DCAF17: variants seen among roughly 807,000 people sequenced by gnomAD.
DCAF17 encodes the protein DDB1 and CUL4 associated factor 17, also known as DDB1- and CUL4-associated factor 17.
In DCAF17, 48 loss-of-function variants were observed where a neutral mutation model predicts 66.0. That is an observed-to-expected ratio of 0.73 (90% CI 0.58 to 0.92). The LOEUF (loss-of-function observed/expected upper bound fraction) is 0.92, where lower values mean the gene tolerates loss of function less well. Ranked by LOEUF, DCAF17 falls within the 40% of genes least tolerant of loss-of-function variation. The pLI is 0.00. For missense variants in DCAF17, 562 were observed against 622.8 expected (o/e 0.90, Z 1.04); for synonymous variants, 206 against 214.6 (o/e 0.96, Z 0.35).
rs766946153 is a variant in DCAF17 at position 171,482,519 on chromosome 2, A to T, written c.*1405A>T. The stretch of plus-strand genomic sequence containing the variant: ...AACTTACATCTTGAAAAACAAGACC[A>T]GTAAGAGGCCAGTGAAAGTACTAAA... On this transcript the variant is annotated 3_prime_UTR_variant, in exon 14 of 14. Transcript: ENST00000375255. 1 of 454,124 alleles carries T rather than the reference A, an allele frequency of 2.2e-6. No individual in the cohort carries two copies. The highest frequency in any genetic ancestry group is 1.6e-5 in the South Asian group (1 of 64,476). 28.1% of individuals were successfully genotyped at this position (454,124 alleles called of 1,614,324 possible).
At position 171,483,275 on chromosome 2, in the gene DCAF17, ACT is replaced by A. The variant is rs1385937068; in HGVS notation, c.*2164_*2165del. On this transcript the variant is annotated 3_prime_UTR_variant, in exon 14 of 14. Coordinates refer to ENST00000375255, the MANE Select transcript of DCAF17 (RefSeq NM_025000.4). ...TCTTTACCTGATATTTTAATTCGAGACTCTAGCTACATGCCCACCTACTTAAC... is the reference window on the plus strand; with the variant it reads ...TCTTTACCTGATATTTTAATTCGAGACTAGCTACATGCCCACCTACTTAAC... 1 of 453,902 alleles carries A rather than the reference ACT, an allele frequency of 2.2e-6. No individual in the cohort carries two copies. The highest frequency in any genetic ancestry group is 4.4e-6 in the Non-Finnish European group (1 of 226,784). The allele number at this position is 453,902 out of a possible 1,614,324, so 28.1% of individuals were successfully genotyped here. A position where few individuals can be genotyped will look rare whatever the true frequency, so the allele number is the denominator to read the frequency against.
At position 171,478,060 on chromosome 2, in the gene DCAF17, C is replaced by T; in HGVS notation, c.1256C>T (p.Pro419Leu). The T allele has an allele frequency of 1.9e-6, 3 of 1,613,536 alleles. No individual in the cohort carries two copies. The highest frequency in any genetic ancestry group is 2.5e-6 in the Non-Finnish European group (3 of 1,179,634). Residue 419 changes from proline (P) to leucine (L), a missense_variant, in exon 12 of 14, where the codon CCA (proline) becomes CTA (leucine). Transcript: ENST00000375255. ...KKSFNLLDDD[P>L]EQETFKIVDY... ...AGTTTTAACCTTCTGGATGATGACC[C>T]AGAACAAGAGGTATTGCTTTGGCCA...
At chr2:171,473,999 A>C in intron 10 of DCAF17, 24 bp downstream of exon 10, 1 of 1,586,638 alleles carries the variant, frequency 6.3e-7, no homozygotes, top group Non-Finnish European at 8.7e-7. Flanking sequence ...TTAGCACTTG[A>C]AAGTTAAGAG....
chr2:171,439,670 T>C (rs528058690), intron 2 of DCAF17, among the ~76,000 whole-genome samples: 2 of 152,206 alleles, frequency 1.3e-5, no homozygotes, highest in South Asian at 2.1e-4. Flanking sequence ...GGCTCACACC[T>C]GTAATCTCAC....
chr2:171,451,012 G>A (rs1694920957), intron 5 of DCAF17, among the ~76,000 whole-genome samples: 1 of 151,520 alleles, frequency 6.6e-6, no homozygotes, highest in Non-Finnish European at 1.5e-5. Context: ...ATATGGACTG[G>A]CAGGTGAAGT....
intron 3 of DCAF17, among the ~76,000 whole-genome samples, chr2:171,445,969 C>T (rs1257288307): frequency 1.3e-5 from 2 of 152,138 alleles, no homozygotes; most frequent in Non-Finnish European, 2.9e-5. Context: ...AAGTGTGAGT[C>T]ACCACGCTCA....
At chr2:171,448,963 A>G in intron 4 of DCAF17, 146 bp downstream of exon 4, 1 of 707,816 alleles carries the variant, frequency 1.4e-6, no homozygotes, top group Non-Finnish European at 2.4e-6. Flanking sequence ...TTCTCCCCTC[A>G]TGACTACATT....
At chr2:171,449,570 CT>C (rs1274443749) in intron 4 of DCAF17, among the ~76,000 whole-genome samples, 3 of 152,014 alleles carry the variant, frequency 2.0e-5, no homozygotes, top group Admixed American at 6.6e-5. Flanking sequence ...ATTTTTAGTG[CT>C]TTTTATACTT....
intron 3 of DCAF17, among the ~76,000 whole-genome samples, chr2:171,447,726 T>A (rs192434357): frequency 4.6e-5 from 7 of 152,360 alleles, no homozygotes; most frequent in South Asian, 2.1e-4. Context: ...GATATCGAAC[T>A]CCTGGGCTCA....
intron 8 of DCAF17, among the ~76,000 whole-genome samples, chr2:171,466,454 T>C (rs1315833905): frequency 1.3e-5 from 2 of 152,206 alleles, no homozygotes; most frequent in African/African-American, 4.8e-5. Context: ...CCTACTCTTT[T>C]AATACTTCTC....
Position 171,484,983 on chromosome 2 carries a change from A to G in DCAF17, c.*3869A>G, listed in dbSNP as rs1696891603. ...AGTTTGTTTTTTTATCTTTCTGTTGATGGACACTGGGCTCTTTCTGCTTGT... is the reference window on the plus strand; with the variant it reads ...AGTTTGTTTTTTTATCTTTCTGTTGGTGGACACTGGGCTCTTTCTGCTTGT... On this transcript the variant is annotated 3_prime_UTR_variant, in exon 14 of 14. Coordinates refer to ENST00000375255, the MANE Select transcript of DCAF17 (RefSeq NM_025000.4). 2.2e-6 allele frequency: 1 copy of G among 453,950 alleles called. No individual in the cohort carries two copies. Among genetic ancestry groups the G allele is most frequent in the East Asian group, 6.9e-5 (1 of 14,390 alleles). 28.1% of individuals were successfully genotyped at this position (453,950 alleles called of 1,614,324 possible).
At chr2:171,477,945 A>G in intron 11 of DCAF17, 42 bp from the exon 12 acceptor site, 2 of 1,548,230 alleles carry the variant, frequency 1.3e-6, no homozygotes, top group East Asian at 4.5e-5. Flanking sequence ...GACTGCATGT[A>G]ATAGAACTTG....
At chr2:171,466,258 C>T (rs1358505229) in intron 8 of DCAF17, among the ~76,000 whole-genome samples, 6 of 152,196 alleles carry the variant, frequency 3.9e-5, no homozygotes, top group African/African-American at 9.7e-5. Context: ...TATTGTATTA[C>T]AGGTGTAGCC....
intron 8 of DCAF17, among the ~76,000 whole-genome samples, chr2:171,463,830 A>G (rs572368408): frequency 6.6e-6 from 1 of 152,340 alleles, no homozygotes; most frequent in East Asian, 1.9e-4. Flanking sequence ...GCTTTAACTC[A>G]TCAGCTAGAG....
At chr2:171,451,731 AG>A (rs1249767346) in intron 5 of DCAF17, among the ~76,000 whole-genome samples, 8 of 152,080 alleles carry the variant, frequency 5.3e-5, no homozygotes, top group African/African-American at 1.9e-4. Flanking sequence ...GTGCACCACC[AG>A]GCCCAGCTAA....
intron 8 of DCAF17, among the ~76,000 whole-genome samples, chr2:171,463,682 G>C (rs1049502958): frequency 6.6e-6 from 1 of 152,126 alleles, no homozygotes; most frequent in African/African-American, 2.4e-5. Context: ...CTAATTTTGT[G>C]ATTACAAATA....
At chr2:171,466,906 A>G (rs1351264601) in intron 8 of DCAF17, among the ~76,000 whole-genome samples, 4 of 151,816 alleles carry the variant, frequency 2.6e-5, no homozygotes, top group Non-Finnish European at 5.9e-5. Context: ...ATATCATCAC[A>G]TACAATGTGT....
chr2:171,465,304 CA>C (rs1186046735), intron 8 of DCAF17, among the ~76,000 whole-genome samples: 2 of 151,732 alleles, frequency 1.3e-5, no homozygotes, highest in African/African-American at 4.8e-5. Context: ...GTGATGTGTT[CA>C]AAGGCGATTT....
intron 13 of DCAF17, 114 bp downstream of exon 13, chr2:171,480,307 T>C (rs1696683702): frequency 7.4e-7 from 1 of 1,348,294 alleles, no homozygotes; most frequent in Non-Finnish European, 1.0e-6. Context: ...CCAATGACCA[T>C]GTGAAAGAGG....
Sources: gnomAD v4.1 joint callset for allele counts (sites outside exome capture counted in the v4.1 genomes callset) on GRCh38, gnomAD v4.1.1 for gene constraint, MANE v1.5 for transcripts, NCBI Gene and HGNC (gene_info 2026-07-23, HGNC 2026-07-21) for gene names.